The following HTT variants were observed in gnomAD, a reference collection of about 807,000 sequenced individuals.
HTT encodes the protein huntingtin.
A neutral mutation model predicts 362.3 loss-of-function variants in HTT; 104 were observed. The ratio of observed to expected loss-of-function variants is 0.29; its 90% CI spans 0.24 to 0.34. The LOEUF is 0.34. HTT is among the 10% of genes least tolerant of loss of function. The pLI is 1.00. For synonymous variants in HTT, 1,577 were observed against 1,548.7 expected, an observed-to-expected ratio of 1.02 and a Z score of -0.43; for missense variants, 3,301 against 3,928.6, an observed-to-expected ratio of 0.84 and a Z score of 4.27.
Position 3,121,382 on chromosome 4 carries a change from A to C in HTT, c.1223A>C (p.Lys408Thr). 1 of 1,614,186 alleles carries C rather than the reference A, an allele frequency of 6.2e-7. No individual in the cohort carries two copies. Among genetic ancestry groups the C allele is most frequent in the Non-Finnish European group, 8.5e-7 (1 of 1,180,010 alleles). ...VGGIGQLTAA[K>T]EESGGRSRSG... ...GGCATTGGGCAGCTCACCGCTGCTA[A>C]GGAGGAGTCTGGTGGCCGAAGCCGT... is the stretch of plus-strand genomic sequence containing the variant. Residue 408 changes from lysine (K) to threonine (T), a missense_variant, in exon 9 of 67, where the codon AAG becomes ACG. Physicochemically the swap from Lys to Thr is moderately conservative, Grantham distance 78. Around this residue, in one of 4 missense-constraint regions of HTT, gnomAD observed 2,316 missense variants for 2,658.5 expected, o/e 0.87. Coordinates refer to ENST00000355072, the MANE Select transcript of HTT (RefSeq NM_001388492.1).
rs1560565966 is a variant in HTT, at chr4:3,140,673, G to A, written c.2945+17G>A. On this transcript the variant is annotated intron_variant, in intron 22 of 66. Coordinates refer to ENST00000355072, the MANE Select transcript of HTT (RefSeq NM_001388492.1). ...AATAACCAGGTATGCTGACCCAGTG[G>A]CATCTTCACATTGTCGGGAAAATGC... The A allele has an allele frequency of 6.2e-7, 1 of 1,608,734 alleles. No individual in the cohort carries two copies. Among genetic ancestry groups the A allele is most frequent in the Non-Finnish European group, 8.5e-7 (1 of 1,176,746 alleles).
In HTT at chr4:3,228,665, G is replaced by A; in HGVS notation, c.7899G>A (p.Glu2633=). 6.2e-7 allele frequency: 1 copy of A among 1,609,326 alleles called. No homozygotes were observed. The highest frequency in any genetic ancestry group is 1.1e-5 in the South Asian group (1 of 90,514). Residue 2633 remains glutamate (E), a synonymous_variant, in exon 58 of 67, where the codon GAG becomes GAA. Coordinates refer to ENST00000355072, the MANE Select transcript of HTT (RefSeq NM_001388492.1). The surrounding 1 kb of genome is among the most constrained non-coding windows in gnomAD (Gnocchi z 4.3). ...GGAACAGCATCACACCCCTGAGGGA[G>A]GAGGAATGGGACGAGGAAGAGGAGG... is the stretch of plus-strand genomic sequence containing the variant. ...WLGNSITPLR[E]EEWDEEEEEE... is the part of the protein sequence containing the mutation.
At chr4:3,113,896 C>T (rs1364924581) in intron 6 of HTT, among the ~76,000 whole-genome samples, 6 of 151,954 alleles carry the variant, frequency 3.9e-5, no homozygotes, top group Middle Eastern at 3.4e-3. Context: ...CCAGAGGTGC[C>T]GAGACCAGCT....
In HTT at chr4:3,211,918, T is replaced by A; in HGVS notation, c.6415-11T>A. The A allele has an allele frequency of 1.2e-6, 2 of 1,602,270 alleles. No homozygotes were observed. Among genetic ancestry groups the A allele is most frequent in the South Asian group, 1.1e-5 (1 of 90,816 alleles). ...GTTATTGTTTGTTAACCTTTAATGC[T>A]CTGATTTCAGGAGTTCAACCTAAGC... is the stretch of plus-strand genomic sequence containing the variant. On this transcript the variant is annotated splice_polypyrimidine_tract_variant and intron_variant, in intron 47 of 66. Transcript: ENST00000355072.
Position 3,174,718 on chromosome 4 carries a change from C to T in HTT, c.4167-3C>T. The T allele has an allele frequency of 6.2e-7, 1 of 1,609,850 alleles. No homozygotes were observed. The highest frequency in any genetic ancestry group is 1.1e-5 in the South Asian group (1 of 90,922). ...CTGCTTCCCTTTTATTCCCATTTGG[C>T]AGATGGTTTGATGTCCTCCAGAAAG... On this transcript the variant is annotated splice_region_variant and splice_polypyrimidine_tract_variant and intron_variant, in intron 31 of 66. Transcript: ENST00000355072.
At position 3,228,671 on chromosome 4, in the gene HTT, A is replaced by G; in HGVS notation, c.7905A>G (p.Glu2635=). The change falls in exon 58 of 67, where the codon GAA becomes GAG. Residue 2635 remains glutamate, a synonymous_variant. Transcript: ENST00000355072. This position sits in a 1 kb window ranked among gnomAD's most constrained non-coding sequence, Gnocchi z 4.3. ...GNSITPLREE[E]WDEEEEEEAD... ...GCATCACACCCCTGAGGGAGGAGGA[A>G]TGGGACGAGGAAGAGGAGGAGGAGG... 2 of 1,609,806 alleles carry G rather than the reference A, an allele frequency of 1.2e-6. No homozygotes were observed. The highest frequency in any genetic ancestry group is 1.1e-5 in the South Asian group (1 of 90,604).
At chr4:3,115,108 A>G (rs1223846718) in intron 6 of HTT, among the ~76,000 whole-genome samples, 196 bp from the exon 7 acceptor site, 1 of 152,216 alleles carries the variant, frequency 6.6e-6, no homozygotes, top group Non-Finnish European at 1.5e-5. Flanking sequence ...TAAAGAAGCA[A>G]ATAGACTACA....
chr4:3,145,079 A>G, intron 23 of HTT, 73 bp from the exon 24 acceptor site: 1 of 1,080,410 alleles, frequency 9.3e-7, no homozygotes, highest in Non-Finnish European at 1.4e-6. Context: ...CTTTTTATAA[A>G]GGGTAACAGG....
chr4:3,225,857 C>T, intron 57 of HTT, 114 bp downstream of exon 57: 1 of 679,640 alleles, frequency 1.5e-6, no homozygotes. Context: ...GGAAGTTTTC[C>T]TTTTTTTTAA....
Position 3,234,476 on chromosome 4 carries a change from G to A in HTT, c.8457-808G>A, listed in dbSNP as rs1355028253. On this transcript the variant is annotated intron_variant, in intron 61 of 66. Coordinates refer to ENST00000355072, the MANE Select transcript of HTT (RefSeq NM_001388492.1). The stretch of plus-strand genomic sequence containing the variant: ...CAGGCACATATGTTGGTGCAGTGAC[G>A]TGATTTTGGGGGGCAGCCCCAGAAC... Among the ~76,000 whole-genome samples the A allele has an allele frequency of 3.3e-5, 5 of 152,260 alleles. No homozygotes were observed. The East Asian group carries it at 5.8e-4, about 18-fold the overall frequency.
intron 40 of HTT, among the ~76,000 whole-genome samples, chr4:3,191,509 A>G (rs1719014995): frequency 6.6e-6 from 1 of 152,172 alleles, no homozygotes; most frequent in African/African-American, 2.4e-5. Context: ...TGACTGAAAC[A>G]CTGAAGACTT....
At chr4:3,156,604 A>G (rs553927641) in intron 27 of HTT, among the ~76,000 whole-genome samples, 2 of 152,242 alleles carry the variant, frequency 1.3e-5, no homozygotes, top group Non-Finnish European at 2.9e-5. Context: ...GAATAGTTGT[A>G]TATAGTGCTT....
intron 3 of HTT, 22 bp downstream of exon 3, chr4:3,099,416 T>A (rs1205805481): frequency 6.2e-7 from 1 of 1,613,542 alleles, no homozygotes; most frequent in Non-Finnish European, 8.5e-7. Context: ...GTGGATGATG[T>A]TCTCCTCAGA....
intron 36 of HTT, among the ~76,000 whole-genome samples, chr4:3,181,920 G>T (rs1187659475): frequency 6.6e-6 from 1 of 152,200 alleles, no homozygotes; most frequent in Non-Finnish European, 1.5e-5. Flanking sequence ...GTGCTCTTCA[G>T]TAGATTGCCT....
At chr4:3,156,322 G>T (rs542588178) in intron 27 of HTT, among the ~76,000 whole-genome samples, 1 of 151,998 alleles carries the variant, frequency 6.6e-6, no homozygotes, top group South Asian at 2.1e-4. Context: ...GTTTCACCAT[G>T]TTGGCCAGGC....
chr4:3,127,608 A>T lies in HTT; in HGVS notation c.1743+4A>T. ...CCCTTCAGACAGTTCTGAAATTGTA[A>T]GTGGGCAGAGGGGCCTGACATCTTT... On this transcript the variant is annotated splice_donor_region_variant and intron_variant, in intron 12 of 66. Coordinates refer to ENST00000355072, the MANE Select transcript of HTT (RefSeq NM_001388492.1). 1 of 1,594,872 alleles carries T rather than the reference A, an allele frequency of 6.3e-7. No homozygotes were observed. The highest frequency in any genetic ancestry group is 8.6e-7 in the Non-Finnish European group (1 of 1,163,776).
rs1245492233 is a variant in HTT, at chr4:3,133,894, G to A, written c.2494-507G>A. Among the ~76,000 whole-genome samples the A allele has an allele frequency of 2.0e-5, 3 of 152,156 alleles. No homozygotes were observed. In the East Asian group the frequency reaches 5.8e-4, roughly 29 times the overall value. ...AGAGCTCAATCTTGTGGCTAGCTGGGGGTCTTTGTGTCAGCCATGCATGTG... is the reference window on the plus strand; with the variant it reads ...AGAGCTCAATCTTGTGGCTAGCTGGAGGTCTTTGTGTCAGCCATGCATGTG... On this transcript the variant is annotated intron_variant, in intron 18 of 66. Transcript: ENST00000355072.
chr4:3,083,529 AT>A (rs1428651141), intron 1 of HTT, among the ~76,000 whole-genome samples: 1 of 74,612 alleles, frequency 1.3e-5, no homozygotes, highest in Non-Finnish European at 2.4e-5. Flanking sequence ...GTCTCTAAAT[AT>A]ACACACACAC....
intron 52 of HTT, 75 bp from the exon 53 acceptor site, chr4:3,220,107 C>A: frequency 1.3e-6 from 2 of 1,552,418 alleles, no homozygotes; most frequent in Non-Finnish European, 1.8e-6. Context: ...GGAGAGAAGT[C>A]GGGCTTCCTG....
Sources: gnomAD v4.1 joint callset for allele counts (sites outside exome capture counted in the v4.1 genomes callset) on GRCh38, gnomAD v4.1.1 for gene constraint, gnomAD v4.1.1 regional missense constraint, Gnocchi (gnomAD v3.1) non-coding constraint, MANE v1.5 for transcripts, NCBI Gene and HGNC (gene_info 2026-07-23, HGNC 2026-07-21) for gene names.